Variants in PTPRD observed in about 807,000 individuals in gnomAD.
PTPRD encodes the protein protein tyrosine phosphatase receptor type D, also known as receptor-type tyrosine-protein phosphatase delta.
In PTPRD, 34 loss-of-function variants were observed where a neutral mutation model predicts 214.5. The observed-to-expected ratio is 0.16, with a 90% CI of 0.12 to 0.21. PTPRD has a LOEUF of 0.21. PTPRD is among the 10% of genes least tolerant of loss of function. The pLI, the probability that PTPRD is intolerant of heterozygous loss-of-function variation, is 1.00. For missense variants in PTPRD, 2,545 were observed against 2,398.7 expected, an observed-to-expected ratio of 1.06 and a Z score of -1.27; for synonymous variants, 1,128 against 845.7, an observed-to-expected ratio of 1.33 and a Z score of -5.79.
At chr9:9,018,516 TA>T (rs1348812599) in intron 11 of PTPRD, among the ~76,000 whole-genome samples, 180 bp downstream of exon 11, 1 of 152,224 alleles carries the variant, frequency 6.6e-6, no homozygotes, top group Non-Finnish European at 1.5e-5. Flanking sequence ...AATTTATGTA[TA>T]TTTTTTAAGA....
intron 3 of PTPRD, among the ~76,000 whole-genome samples, chr9:10,041,392 C>A (rs1364473966): frequency 6.6e-6 from 1 of 151,858 alleles, no homozygotes. Context: ...AAGAAACAGA[C>A]TTTTAGATCT....
intron 11 of PTPRD, among the ~76,000 whole-genome samples, chr9:8,974,785 A>G (rs181535768): frequency 2.8e-4 from 43 of 152,168 alleles, no homozygotes; most frequent in Middle Eastern, 3.4e-3. Flanking sequence ...ATATACATTA[A>G]CATACCCTAT....
rs142728080 is a variant in PTPRD at position 8,684,774 on chromosome 9, T to C, written c.65-47930A>G. ...GTGTTTTGATTTTAAGGGTTACAGATTGCACTTTGACAAAAGTGCTTCTAC... is the reference window on the plus strand; with the variant it reads ...GTGTTTTGATTTTAAGGGTTACAGACTGCACTTTGACAAAAGTGCTTCTAC... On this transcript the variant is annotated intron_variant, in intron 12 of 45. Transcript: ENST00000381196. Among the ~76,000 whole-genome samples the C allele has an allele frequency of 3.9e-5, 6 of 152,272 alleles. No individual in the cohort carries two copies. The South Asian group carries it at 6.2e-4, about 16-fold the overall frequency.
intron 25 of PTPRD, among the ~76,000 whole-genome samples, chr9:8,498,698 G>C (rs899166438): frequency 6.6e-6 from 1 of 152,104 alleles, no homozygotes; most frequent in Non-Finnish European, 1.5e-5. Flanking sequence ...GATAATGAAA[G>C]TATTCCAATG....
At chr9:9,905,425 A>C (rs534163984) in intron 5 of PTPRD, among the ~76,000 whole-genome samples, 1 of 152,140 alleles carries the variant, frequency 6.6e-6, no homozygotes, top group African/African-American at 2.4e-5. Context: ...CTATATTGTC[A>C]CATATGTCAT....
At chr9:10,399,311 C>T (rs2098230137) in intron 2 of PTPRD, among the ~76,000 whole-genome samples, 4 of 151,952 alleles carry the variant, frequency 2.6e-5, no homozygotes, top group African/African-American at 9.7e-5. Context: ...CACTGTTAAA[C>T]ACTTACATAT....
chr9:9,455,877 T>C (rs966043198), intron 8 of PTPRD, among the ~76,000 whole-genome samples: 16 of 151,772 alleles, frequency 1.1e-4, no homozygotes, highest in Non-Finnish European at 2.4e-4. Context: ...AGGGACCACA[T>C]GAAGGCAGTG....
intron 11 of PTPRD, among the ~76,000 whole-genome samples, chr9:9,012,025 G>A (rs562200658): frequency 3.9e-5 from 6 of 152,262 alleles, no homozygotes; most frequent in African/African-American, 1.4e-4. Flanking sequence ...CTGGTAATAG[G>A]AAGTGTCCCT....
At chr9:9,129,737 T>C (rs2099839686) in intron 10 of PTPRD, among the ~76,000 whole-genome samples, 1 of 152,200 alleles carries the variant, frequency 6.6e-6, no homozygotes, top group Admixed American at 6.5e-5. Flanking sequence ...ATTATTTAAC[T>C]GGAATATACT....
chr9:8,500,618 TG>T (rs2136929859), intron 24 of PTPRD, 135 bp downstream of exon 24: 1 of 493,960 alleles, frequency 2.0e-6, no homozygotes, highest in African/African-American at 2.5e-5. Context: ...GACAAGTCTT[TG>T]GCAAAAATAC....
rs141833682 is a variant in PTPRD, at chr9:8,335,596, C to G, written c.5379+3326G>C. On this transcript the variant is annotated intron_variant, in intron 43 of 45. Coordinates refer to ENST00000381196, the MANE Select transcript of PTPRD (RefSeq NM_002839.4). ...GAAAACTGGCACAAGACAGGGATGC[C>G]CTCTCTCACCACTCCTATTCAACAC... 7.7e-3 allele frequency among the ~76,000 whole-genome samples: 1,171 copies of G among 152,244 alleles called. 17 individuals carry two copies. The highest frequency in any genetic ancestry group is 0.026 in the African/African-American group (1,075 of 41,538).
chr9:8,952,459 A>G (rs541783848), intron 11 of PTPRD, among the ~76,000 whole-genome samples: 38 of 152,116 alleles, frequency 2.5e-4, no homozygotes, highest in African/African-American at 8.9e-4. Flanking sequence ...TCAACTAAAC[A>G]TAACTATAAA....
intron 7 of PTPRD, among the ~76,000 whole-genome samples, chr9:9,618,720 A>AATATATACTT (rs1266593518): frequency 1.3e-5 from 2 of 152,216 alleles, no homozygotes. Context: ...GTAGGTATTA[A>AATATATACTT]ATATATACTT....
At chr9:8,716,875 T>C (rs1332632676) in intron 12 of PTPRD, among the ~76,000 whole-genome samples, 3 of 152,084 alleles carry the variant, frequency 2.0e-5, no homozygotes, top group Non-Finnish European at 4.4e-5. Flanking sequence ...GAATCTGAGA[T>C]GAATAAATAA....
chr9:10,285,735 C>T (rs557097873), intron 3 of PTPRD, among the ~76,000 whole-genome samples: 1 of 151,816 alleles, frequency 6.6e-6, no homozygotes, highest in Non-Finnish European at 1.5e-5. Flanking sequence ...CTCAGCCTCC[C>T]GAGTAGCTGG....
chr9:10,481,804 G>T (rs1192025270), intron 2 of PTPRD, among the ~76,000 whole-genome samples: 1 of 152,124 alleles, frequency 6.6e-6, no homozygotes, highest in Non-Finnish European at 1.5e-5. Context: ...TCGAAGTAAG[G>T]CAATGGGAAA....
chr9:9,713,192 C>G (rs781065202), intron 7 of PTPRD, among the ~76,000 whole-genome samples: 34 of 152,270 alleles, frequency 2.2e-4, no homozygotes, highest in Non-Finnish European at 4.1e-4. Context: ...AAACTTCAGA[C>G]AGAAAATGTG....
At chr9:8,936,482 A>G (rs1425853512) in intron 11 of PTPRD, among the ~76,000 whole-genome samples, 1 of 139,728 alleles carries the variant, frequency 7.2e-6, no homozygotes. Context: ...CTAATTTTTG[A>G]GCTACCCAAT....
chr9:9,470,799 A>T (rs1053853143), intron 8 of PTPRD, among the ~76,000 whole-genome samples: 1 of 152,210 alleles, frequency 6.6e-6, no homozygotes, highest in African/African-American at 2.4e-5. Context: ...ACACGAATCA[A>T]TGTGAAGCTG....
Sources: gnomAD v4.1 joint callset for allele counts (sites outside exome capture counted in the v4.1 genomes callset) on GRCh38, gnomAD v4.1.1 for gene constraint, MANE v1.5 for transcripts, NCBI Gene and HGNC (gene_info 2026-07-23, HGNC 2026-07-21) for gene names.